The following CLTCL1 variants were observed in gnomAD, a reference collection of about 807,000 sequenced individuals.
The protein encoded by CLTCL1 is clathrin heavy chain like 1, also known as clathrin heavy chain 2.
Under a neutral mutation model 190.0 loss-of-function variants are expected in CLTCL1, and 159 were observed. The ratio of observed to expected loss-of-function variants is 0.84; its 90% confidence interval spans 0.74 to 0.95. The LOEUF (loss-of-function observed/expected upper bound fraction) is 0.95. Among genes scored for constraint, CLTCL1 ranks in the 40% least tolerant of loss-of-function variants. CLTCL1 has a pLI of 0.00. For missense variants in CLTCL1, 1,878 were observed against 2,033.4 expected, an observed-to-expected ratio of 0.92 and a Z score of 1.47; for synonymous variants, 752 against 769.6, an observed-to-expected ratio of 0.98 and a Z score of 0.38.
intron 1 of CLTCL1, among the ~76,000 whole-genome samples, chr22:19,279,661 T>G (rs1287937689): frequency 6.6e-6 from 1 of 152,238 alleles, no homozygotes; most frequent in African/African-American, 2.4e-5. Flanking sequence ...TTACCTCTGC[T>G]GAGGTAGCCA....
rs1569207381 is a variant in CLTCL1 at position 19,235,792 on chromosome 22, C to T, written c.873G>A (p.Val291=). The T allele has an allele frequency of 1.2e-6, 2 of 1,613,960 alleles. No homozygotes were observed. Among genetic ancestry groups the T allele is most frequent in the East Asian group, 2.2e-5 (1 of 44,894 alleles). The change falls in exon 6 of 33, where the codon GTG becomes GTA. Residue 291 remains valine (V), a synonymous_variant. Transcript: ENST00000427926. ...CACTAATACGGTTCATGCAGATGCACACGCCAGACTCTAGGTCGTACAGAT... is the reference window on the plus strand; with the variant it reads ...CACTAATACGGTTCATGCAGATGCATACGCCAGACTCTAGGTCGTACAGAT... The part of the protein sequence containing the change: ...YLHLYDLESG[V]CICMNRISAD...
At chr22:19,285,645 T>C (rs1457911449) in intron 1 of CLTCL1, among the ~76,000 whole-genome samples, 2 of 152,194 alleles carry the variant, frequency 1.3e-5, no homozygotes, top group Admixed American at 1.3e-4. Context: ...AGAGTGATGG[T>C]CATCTCTCTG....
chr22:19,242,640 T>C (rs2086291663), intron 4 of CLTCL1, 135 bp downstream of exon 4: 3 of 985,018 alleles, frequency 3.0e-6, no homozygotes, highest in Non-Finnish European at 1.5e-6. Flanking sequence ...TGCATCACGG[T>C]GCACAGTTCT....
intron 2 of CLTCL1, among the ~76,000 whole-genome samples, chr22:19,263,069 CT>C (rs1183410723): frequency 2.0e-5 from 3 of 150,408 alleles, no homozygotes; most frequent in Admixed American, 6.6e-5. Flanking sequence ...TCACTGAAGG[CT>C]GATAATGGTA....
intron 1 of CLTCL1, among the ~76,000 whole-genome samples, chr22:19,282,869 T>TC (rs782168987): frequency 1.3e-5 from 2 of 150,276 alleles, no homozygotes; most frequent in African/African-American, 2.4e-5. Flanking sequence ...TTTCTTTCTT[T>TC]CCTTTTTTTT....
intron 5 of CLTCL1, among the ~76,000 whole-genome samples, chr22:19,237,521 T>C (rs891686563): frequency 6.6e-6 from 1 of 152,148 alleles, no homozygotes; most frequent in East Asian, 1.9e-4. Flanking sequence ...GATGAGAGTG[T>C]GCCCCTGACC....
At chr22:19,276,696 G>C (rs1171681511) in intron 1 of CLTCL1, among the ~76,000 whole-genome samples, 12 of 152,116 alleles carry the variant, frequency 7.9e-5, no homozygotes, top group Admixed American at 7.2e-4. Context: ...TTGAGCCGGA[G>C]TCTCGCTCTG....
chr22:19,233,408 A>T lies in CLTCL1; in HGVS notation c.1368+14T>A, dbSNP rs782682545. On this transcript the variant is annotated intron_variant, in intron 8 of 32. Transcript: ENST00000427926. ...AGCTGTGCGGGGGGGCTACGAGCTC[A>T]CAAGTGTTTCTACCTTATCTTCTTT... 3.7e-6 allele frequency: 6 copies of T among 1,613,538 alleles called. No individual in the cohort carries two copies. The highest frequency in any genetic ancestry group is 5.1e-6 in the Non-Finnish European group (6 of 1,179,612).
chr22:19,269,946 T>TAAAAA (rs1569244208), intron 2 of CLTCL1, among the ~76,000 whole-genome samples: 3 of 93,758 alleles, frequency 3.2e-5, no homozygotes, highest in Non-Finnish European at 6.9e-5. Flanking sequence ...TAAAGTAAAA[T>TAAAAA]TAAAAAAAAA....
chr22:19,203,908 C>G (rs1329270803), intron 22 of CLTCL1, among the ~76,000 whole-genome samples: 1 of 152,202 alleles, frequency 6.6e-6, no homozygotes, highest in African/African-American at 2.4e-5. Context: ...CAAGCTTGAC[C>G]CGCCCTCACT....
At position 19,229,903 on chromosome 22, in the gene CLTCL1, T is replaced by C. The variant is rs2085864548; in HGVS notation, c.1717A>G (p.Asn573Asp). Residue 573 changes from asparagine to aspartate, a missense_variant, in exon 11 of 33, where the codon AAT becomes GAT. By Grantham distance (23) the Asn-to-Asp change is conservative. Coordinates refer to ENST00000427926, the MANE Select transcript of CLTCL1 (RefSeq NM_007098.4). ...TGCAGGAGTCCCTCAGCTGGGCGAT[T>C]ATTCTTCAAGGCATCCAATAAGAAG... The part of the protein sequence containing the change: ...TSFLLDALKN[N>D]RPAEGLLQTW... The C allele has an allele frequency of 6.2e-7, 1 of 1,612,116 alleles. No individual in the cohort carries two copies. The highest frequency in any genetic ancestry group is 1.3e-5 in the African/African-American group (1 of 74,970).
At chr22:19,235,581 A>G in intron 6 of CLTCL1, 115 bp downstream of exon 6, 3 of 967,300 alleles carry the variant, frequency 3.1e-6, no homozygotes, top group East Asian at 2.4e-5. Context: ...TTTAAGTTTA[A>G]TAACAGGAAC....
chr22:19,192,530 G>A (rs1601459843), intron 26 of CLTCL1, among the ~76,000 whole-genome samples: 1 of 152,220 alleles, frequency 6.6e-6, no homozygotes, highest in Non-Finnish European at 1.5e-5. Context: ...GGCACAGCTG[G>A]AGCTAAAGTC....
At chr22:19,257,057 G>C (rs2086784627) in intron 2 of CLTCL1, among the ~76,000 whole-genome samples, 1 of 152,028 alleles carries the variant, frequency 6.6e-6, no homozygotes. Context: ...AACTCAATAG[G>C]CCCAAACACA....
At chr22:19,186,372 A>T (rs1555928332) in intron 29 of CLTCL1, among the ~76,000 whole-genome samples, 1 of 151,828 alleles carries the variant, frequency 6.6e-6, no homozygotes, top group African/African-American at 2.4e-5. Context: ...GAGGATGTTA[A>T]TGCCTTCAGG....
At chr22:19,282,870 CCTTT>C (rs1183392700) in intron 1 of CLTCL1, among the ~76,000 whole-genome samples, 1 of 149,760 alleles carries the variant, frequency 6.7e-6, no homozygotes, top group African/African-American at 2.5e-5. Context: ...TTCTTTCTTT[CCTTT>C]TTTTTTTTTT....
At chr22:19,244,262 G>A (rs145122307) in intron 3 of CLTCL1, among the ~76,000 whole-genome samples, 5 of 152,084 alleles carry the variant, frequency 3.3e-5, no homozygotes, top group African/African-American at 1.2e-4. Flanking sequence ...TTCTGTTAAC[G>A]TTATTAAGCA....
rs2087384875 is a variant in CLTCL1 at position 19,273,323 on chromosome 22, A to T, written c.250+2300T>A. On this transcript the variant is annotated intron_variant, in intron 2 of 32. Transcript: ENST00000427926. ...AAAAATAAGATAAAGCCTTAAAATTATGTCCCTTTTTGGTTCCAGAGTCTT... is the reference window on the plus strand; with the variant it reads ...AAAAATAAGATAAAGCCTTAAAATTTTGTCCCTTTTTGGTTCCAGAGTCTT... Among the ~76,000 whole-genome samples, 3 of 151,152 alleles carry T rather than the reference A, an allele frequency of 2.0e-5. No homozygotes were observed. The South Asian group carries it at 6.2e-4, about 31-fold the overall frequency.
intron 28 of CLTCL1, 103 bp from the exon 29 acceptor site, chr22:19,187,831 C>A (rs1007705831): frequency 7.2e-7 from 1 of 1,389,898 alleles, no homozygotes; most frequent in East Asian, 2.3e-5. Flanking sequence ...ATCAGCACAG[C>A]CTTAGAAAGG....
Sources: gnomAD v4.1 joint callset for allele counts (sites outside exome capture counted in the v4.1 genomes callset) on GRCh38, gnomAD v4.1.1 for gene constraint, MANE v1.5 for transcripts, NCBI Gene and HGNC (gene_info 2026-07-23, HGNC 2026-07-21) for gene names.